The following CSNK1G1 variants were observed in gnomAD, a reference collection of about 807,000 sequenced individuals.
The protein encoded by CSNK1G1 is casein kinase I isoform gamma-1.
In CSNK1G1, 22 loss-of-function variants were observed where a neutral mutation model predicts 59.6. The observed-to-expected ratio is 0.37, with a 90% CI of 0.26 to 0.53. The LOEUF (loss-of-function observed/expected upper bound fraction) is 0.53, where lower values mean the gene tolerates loss of function less well. Among genes scored for constraint, CSNK1G1 ranks in the 20% least tolerant of loss-of-function variants. CSNK1G1 has a pLI of 0.89. For missense variants in CSNK1G1, 384 were observed against 519.5 expected, an observed-to-expected ratio of 0.74 and a Z score of 2.54; for synonymous variants, 179 against 177.1, an observed-to-expected ratio of 1.01 and a Z score of -0.08.
In CSNK1G1 at chr15:64,210,223, T is replaced by C. The variant is rs1469468493; in HGVS notation, c.680-2629A>G. 6.6e-6 allele frequency among the ~76,000 whole-genome samples: 1 copy of C among 152,178 alleles called. No homozygotes were observed. Among genetic ancestry groups the C allele is most frequent in the Non-Finnish European group, 1.5e-5 (1 of 68,028 alleles). On this transcript the variant is annotated intron_variant, in intron 6 of 11. Coordinates refer to ENST00000303052, the MANE Select transcript of CSNK1G1 (RefSeq NM_022048.5). This position sits in a 1 kb window ranked among gnomAD's most constrained non-coding sequence, Gnocchi z 4.2. Reference sequence around the variant, plus strand: ...TAATTTAATCCAGTGAAATTAAGCATGGTCAAGTCACCTACTTTGGGTCTC... The same window carrying C: ...TAATTTAATCCAGTGAAATTAAGCACGGTCAAGTCACCTACTTTGGGTCTC...
intron 1 of CSNK1G1, among the ~76,000 whole-genome samples, chr15:64,317,179 C>G (rs1383985964): frequency 2.6e-5 from 4 of 152,178 alleles, no homozygotes; most frequent in Admixed American, 6.5e-5. Context: ...ACCTCCGCCT[C>G]CCAGGTTCAA....
At chr15:64,232,999 A>G (rs760008688) in intron 4 of CSNK1G1, among the ~76,000 whole-genome samples, 1 of 152,120 alleles carries the variant, frequency 6.6e-6, no homozygotes, top group Non-Finnish European at 1.5e-5. Flanking sequence ...CACTATATTG[A>G]TTTCCTATAA....
Position 64,303,385 on chromosome 15 carries a change from T to C in CSNK1G1, c.-224-2662A>G, listed in dbSNP as rs962419820. Among the ~76,000 whole-genome samples the C allele has an allele frequency of 3.4e-5, 5 of 146,360 alleles. No individual in the cohort carries two copies. The East Asian group carries it at 6.2e-4, about 18-fold the overall frequency. On this transcript the variant is annotated intron_variant, in intron 1 of 11. Coordinates refer to ENST00000303052, the MANE Select transcript of CSNK1G1 (RefSeq NM_022048.5). ...ATCCCAGCACTTTGGGAGGCCAAGG[T>C]AGAAGGACTACTTGAGCCTAGAAGT...
Position 64,204,502 on chromosome 15 carries a change from T to C in CSNK1G1, c.938A>G (p.Asp313Gly). The change falls in exon 9 of 12, where the codon GAC (aspartate) becomes GGC (glycine). Residue 313 changes from aspartate to glycine, a missense_variant. By Grantham distance (94) the Asp-to-Gly change is moderately conservative. This residue lies in a region of CSNK1G1 where 325 missense variants were observed against 440.9 expected (regional missense o/e 0.74). Coordinates refer to ENST00000303052, the MANE Select transcript of CSNK1G1 (RefSeq NM_022048.5). ...DYEYLRTLFT[D>G]LFEKKGYTFD... The stretch of plus-strand genomic sequence containing the variant: ...GGTGTAGCCTTTCTTTTCAAAGAGG[T>C]CTGTGAAGAGGGTCCGTAAATACTC... The C allele has an allele frequency of 6.2e-7, 1 of 1,612,670 alleles. No homozygotes were observed. The highest frequency in any genetic ancestry group is 8.5e-7 in the Non-Finnish European group (1 of 1,179,716).
chr15:64,196,648 C>T (rs2082042626), intron 10 of CSNK1G1, among the ~76,000 whole-genome samples: 1 of 151,914 alleles, frequency 6.6e-6, no homozygotes, highest in Non-Finnish European at 1.5e-5. Flanking sequence ...GATGGGGTTT[C>T]TCCATGTTGG....
At position 64,270,556 on chromosome 15, in the gene CSNK1G1, G is replaced by A. The variant is rs1006786049; in HGVS notation, c.182-11315C>T. On this transcript the variant is annotated intron_variant, in intron 2 of 11. Coordinates refer to ENST00000303052, the MANE Select transcript of CSNK1G1 (RefSeq NM_022048.5). ...GGGCGGATCACGAGGTCAGGAGATC[G>A]AGACCATCCTGGCCAACACAGTGAA... Among the ~76,000 whole-genome samples the A allele has an allele frequency of 6.6e-5, 10 of 152,068 alleles. No homozygotes were observed. In the East Asian group the frequency reaches 9.7e-4, roughly 15 times the overall value.
intron 1 of CSNK1G1, among the ~76,000 whole-genome samples, chr15:64,330,997 C>G: frequency 1.8e-5 from 1 of 55,404 alleles, no homozygotes; most frequent in African/African-American, 7.7e-5. Context: ...TCAAGGAGAA[C>G]TACAAACCAC....
chr15:64,174,605 G>C (rs1296981644), intron 11 of CSNK1G1, among the ~76,000 whole-genome samples: 1 of 152,162 alleles, frequency 6.6e-6, no homozygotes, highest in Non-Finnish European at 1.5e-5. Flanking sequence ...TTCTTTGACT[G>C]TTTAGATGAC....
At chr15:64,206,060 A>G (rs2082175263) in intron 7 of CSNK1G1, among the ~76,000 whole-genome samples, 1 of 152,130 alleles carries the variant, frequency 6.6e-6, no homozygotes, top group South Asian at 2.1e-4. Flanking sequence ...TAATCCTAGC[A>G]CTCTGGGAGA....
intron 4 of CSNK1G1, among the ~76,000 whole-genome samples, chr15:64,220,189 G>C (rs965115004): frequency 1.3e-5 from 2 of 151,766 alleles, no homozygotes; most frequent in African/African-American, 4.8e-5. Context: ...CCGCCTCTTG[G>C]GTTCAAGCCA....
intron 1 of CSNK1G1, among the ~76,000 whole-genome samples, chr15:64,336,330 A>C (rs1897388199): frequency 1.3e-5 from 2 of 152,204 alleles, no homozygotes; most frequent in Non-Finnish European, 2.9e-5. Flanking sequence ...AAAGTGTATA[A>C]GCCACACTCT....
chr15:64,166,847 C>T lies in CSNK1G1; in HGVS notation c.*5084G>A, dbSNP rs2081608531. On this transcript the variant is annotated 3_prime_UTR_variant, in exon 12 of 12. Transcript: ENST00000303052. The surrounding 1 kb of genome is among the most constrained non-coding windows in gnomAD (Gnocchi z 4.5). Reference sequence around the variant, plus strand: ...ACTTATTACCATGAATAATCCTCTGCTCTGAGACCTTATAGATGGTGATGG... The same window carrying T: ...ACTTATTACCATGAATAATCCTCTGTTCTGAGACCTTATAGATGGTGATGG... 6.6e-6 allele frequency: 1 copy of T among 152,608 alleles called. No individual in the cohort carries two copies. The highest frequency in any genetic ancestry group is 2.4e-5 in the African/African-American group (1 of 41,442). 9.5% of individuals were successfully genotyped at this position (152,608 alleles called of 1,614,324 possible).
chr15:64,223,089 C>G (rs1348498085), intron 4 of CSNK1G1, among the ~76,000 whole-genome samples: 1 of 152,142 alleles, frequency 6.6e-6, no homozygotes, highest in Non-Finnish European at 1.5e-5. Flanking sequence ...GCAAGTTCTA[C>G]TCTGAGCCTG....
rs980259700 is a variant in CSNK1G1 at position 64,171,161 on chromosome 15, T to A, written c.*770A>T. The A allele has an allele frequency of 6.6e-6, 1 of 151,720 alleles. No individual in the cohort carries two copies. The allele number at this position is 151,720 out of a possible 1,614,324, so 9.4% of individuals were successfully genotyped here. On this transcript the variant is annotated 3_prime_UTR_variant, in exon 12 of 12. Coordinates refer to ENST00000303052, the MANE Select transcript of CSNK1G1 (RefSeq NM_022048.5). The surrounding 1 kb of genome is among the most constrained non-coding windows in gnomAD (Gnocchi z 4.8). ...GCATCTGCCATGTTTTTGTTTTTGTTTTTTTTAAAAAAACTAAAAGTGCAA... is the reference window on the plus strand; with the variant it reads ...GCATCTGCCATGTTTTTGTTTTTGTATTTTTTAAAAAAACTAAAAGTGCAA...
intron 2 of CSNK1G1, among the ~76,000 whole-genome samples, chr15:64,294,959 C>T (rs1329276288): frequency 5.0e-5 from 7 of 141,378 alleles, no homozygotes; most frequent in Non-Finnish European, 1.5e-5. Flanking sequence ...TGGCCAGGCG[C>T]GGTGGCTCAT....
At chr15:64,312,912 A>G (rs1896071083) in intron 1 of CSNK1G1, among the ~76,000 whole-genome samples, 1 of 152,230 alleles carries the variant, frequency 6.6e-6, no homozygotes, top group African/African-American at 2.4e-5. Flanking sequence ...TTTACAAGAA[A>G]AAAACAAACA....
chr15:64,320,897 A>C (rs1439555758), intron 1 of CSNK1G1, among the ~76,000 whole-genome samples: 1 of 152,094 alleles, frequency 6.6e-6, no homozygotes, highest in African/African-American at 2.4e-5. Flanking sequence ...TGGCTTTTTA[A>C]ATCTTTAGCG....
intron 6 of CSNK1G1, among the ~76,000 whole-genome samples, chr15:64,211,761 AAG>A (rs1470329842): frequency 5.9e-5 from 9 of 152,200 alleles, no homozygotes; most frequent in Non-Finnish European, 1.2e-4. Flanking sequence ...CATAGCTATT[AAG>A]AAAGAGCGCC....
rs1287848494 is a variant in CSNK1G1, at chr15:64,169,109, A to G, written c.*2822T>C. 6.6e-6 allele frequency: 1 copy of G among 152,562 alleles called. No individual in the cohort carries two copies. The highest frequency in any genetic ancestry group is 6.5e-5 in the Admixed American group (1 of 15,282). 9.5% of individuals were successfully genotyped at this position (152,562 alleles called of 1,614,324 possible). On this transcript the variant is annotated 3_prime_UTR_variant, in exon 12 of 12. Coordinates refer to ENST00000303052, the MANE Select transcript of CSNK1G1 (RefSeq NM_022048.5). ...TGCAAGGCAGCTTGCCCTGCAGCCA[A>G]GCTGGTCAGTGCCTTTGCTTTTGTG... is the stretch of plus-strand genomic sequence containing the variant.
Sources: gnomAD v4.1 joint callset for allele counts (sites outside exome capture counted in the v4.1 genomes callset) on GRCh38, gnomAD v4.1.1 for gene constraint, gnomAD v4.1.1 regional missense constraint, Gnocchi (gnomAD v3.1) non-coding constraint, MANE v1.5 for transcripts, NCBI Gene and HGNC (gene_info 2026-07-23, HGNC 2026-07-21) for gene names.